CFAP299: variants seen among roughly 807,000 people sequenced by gnomAD.
The protein encoded by CFAP299 is cilia- and flagella-associated protein 299.
In CFAP299, 21 loss-of-function variants were observed where a neutral mutation model predicts 27.0. The observed-to-expected ratio is 0.78, with a 90% CI of 0.55 to 1.12. CFAP299 has a LOEUF of 1.12. Ranked by LOEUF, CFAP299 falls within the 50% of genes most tolerant of loss-of-function variation. The pLI, the probability that CFAP299 is intolerant of heterozygous loss-of-function variation, is 0.00. For missense variants in CFAP299, 310 were observed against 276.6 expected (o/e 1.12, Z -0.86); for synonymous variants, 104 against 98.1 (o/e 1.06, Z -0.36).
At chr4:80,739,567 C>T (rs1724132143) in intron 3 of CFAP299, among the ~76,000 whole-genome samples, 1 of 151,810 alleles carries the variant, frequency 6.6e-6, no homozygotes, top group Non-Finnish European at 1.5e-5. Context: ...TATTAAAGTT[C>T]CATTATATGT....
At chr4:80,804,323 C>G (rs1409718257) in intron 3 of CFAP299, among the ~76,000 whole-genome samples, 1 of 152,118 alleles carries the variant, frequency 6.6e-6, no homozygotes, top group African/African-American at 2.4e-5. Flanking sequence ...TACTTTCTGT[C>G]TCTATTATTT....
At chr4:80,391,351 C>A (rs1342598725) in intron 2 of CFAP299, among the ~76,000 whole-genome samples, 1 of 152,124 alleles carries the variant, frequency 6.6e-6, no homozygotes, top group Non-Finnish European at 1.5e-5. Flanking sequence ...TGCAAGGATT[C>A]CCTTTTCTCC....
chr4:80,725,539 A>G (rs1723109064), intron 3 of CFAP299, among the ~76,000 whole-genome samples: 1 of 152,126 alleles, frequency 6.6e-6, no homozygotes, highest in African/African-American at 2.4e-5. Flanking sequence ...CCATGGGGGT[A>G]TTGTGTGGAG....
chr4:80,740,638 G>C (rs1450809964), intron 3 of CFAP299, among the ~76,000 whole-genome samples: 1 of 152,146 alleles, frequency 6.6e-6, no homozygotes, highest in Non-Finnish European at 1.5e-5. Flanking sequence ...ACAGGCCCTG[G>C]ACATGTCCAG....
chr4:80,359,047 G>C (rs1014483051), intron 1 of CFAP299, among the ~76,000 whole-genome samples: 2 of 152,080 alleles, frequency 1.3e-5, no homozygotes, highest in East Asian at 3.9e-4. Flanking sequence ...CTGCTTGTCT[G>C]AAAAGGATCT....
intron 5 of CFAP299, among the ~76,000 whole-genome samples, chr4:80,958,847 T>C (rs1412641642): frequency 1.3e-5 from 2 of 152,192 alleles, no homozygotes; most frequent in Non-Finnish European, 2.9e-5. Context: ...TTAAAGTACC[T>C]GGTAGTTATC....
intron 4 of CFAP299, among the ~76,000 whole-genome samples, chr4:80,910,163 G>A (rs1019582129): frequency 6.6e-6 from 1 of 152,046 alleles, no homozygotes; most frequent in Non-Finnish European, 1.5e-5. Context: ...TTAACTTTAT[G>A]AAAACTAGTT....
intron 2 of CFAP299, among the ~76,000 whole-genome samples, chr4:80,481,078 G>C (rs1183838956): frequency 6.6e-6 from 1 of 151,978 alleles, no homozygotes; most frequent in Non-Finnish European, 1.5e-5. Context: ...GGCAAGCATA[G>C]TCGTAGACAC....
intron 3 of CFAP299, among the ~76,000 whole-genome samples, chr4:80,826,974 T>C (rs1908010): frequency 0.034 from 5,150 of 151,602 alleles, 228 homozygotes; most frequent in African/African-American, 0.1. Context: ...GATCAAAAAA[T>C]AAATAACAAG....
At chr4:80,805,965 A>C (rs915232342) in intron 3 of CFAP299, among the ~76,000 whole-genome samples, 3 of 152,182 alleles carry the variant, frequency 2.0e-5, no homozygotes, top group Admixed American at 2.0e-4. Flanking sequence ...AGGATTTCAT[A>C]ATATACTATG....
At chr4:80,757,793 T>C (rs1000680390) in intron 3 of CFAP299, among the ~76,000 whole-genome samples, 1 of 152,184 alleles carries the variant, frequency 6.6e-6, no homozygotes, top group Non-Finnish European at 1.5e-5. Context: ...AGCAGGATAT[T>C]TCCCTGACCC....
intron 3 of CFAP299, among the ~76,000 whole-genome samples, chr4:80,833,420 C>G (rs1200202791): frequency 6.6e-6 from 1 of 151,674 alleles, no homozygotes; most frequent in Non-Finnish European, 1.5e-5. Context: ...ATCAATAACT[C>G]TATGAGGGGT....
At chr4:80,798,077 T>C (rs529309699) in intron 3 of CFAP299, among the ~76,000 whole-genome samples, 1 of 152,262 alleles carries the variant, frequency 6.6e-6, no homozygotes, top group East Asian at 1.9e-4. Context: ...CCATGCCTGT[T>C]CTCCAGATTT....
At chr4:80,323,148 G>T in the CFAP299 span, among the ~76,000 whole-genome samples, 1 of 152,208 alleles carries the variant, frequency 6.6e-6, no homozygotes, top group Non-Finnish European at 1.5e-5. Flanking sequence ...GTCAGAAGCT[G>T]GTTGGGATGA....
chr4:80,815,644 C>A (rs1578151006), intron 3 of CFAP299, among the ~76,000 whole-genome samples: 1 of 152,020 alleles, frequency 6.6e-6, no homozygotes, highest in Non-Finnish European at 1.5e-5. Flanking sequence ...TTAAATGTAT[C>A]AGTAAAATAC....
At chr4:80,809,176 G>A (rs116460346) in intron 3 of CFAP299, among the ~76,000 whole-genome samples, 164 of 152,272 alleles carry the variant, frequency 1.1e-3, no homozygotes, top group African/African-American at 3.7e-3. Context: ...AACCACATTT[G>A]CTGCAGAATT....
chr4:80,819,211 C>T (rs1212798951), intron 3 of CFAP299, among the ~76,000 whole-genome samples: 1 of 151,966 alleles, frequency 6.6e-6, no homozygotes. Context: ...TCTGTCAGAG[C>T]AACAACAAAT....
chr4:80,474,409 A>G (rs1578486341), intron 2 of CFAP299, among the ~76,000 whole-genome samples: 1 of 152,234 alleles, frequency 6.6e-6, no homozygotes, highest in African/African-American at 2.4e-5. Context: ...TGCCATGTTC[A>G]TCTATCAAAA....
At chr4:80,518,921 A>G (rs990144224) in intron 2 of CFAP299, among the ~76,000 whole-genome samples, 5 of 152,194 alleles carry the variant, frequency 3.3e-5, no homozygotes, top group African/African-American at 1.2e-4. Flanking sequence ...CACTGAAGAC[A>G]TACAAATACA....
Sources: allele counts gnomAD v4.1 joint callset (sites outside exome capture counted in the v4.1 genomes callset), GRCh38; gene constraint gnomAD v4.1.1; transcripts MANE v1.5; gene names NCBI Gene and HGNC (gene_info 2026-07-23, HGNC 2026-07-21).